The following STPG2 variants were observed in gnomAD, a reference collection of about 807,000 sequenced individuals.
STPG2 encodes the protein sperm-tail PG-rich repeat-containing protein 2.
A neutral mutation model predicts 54.2 loss-of-function variants in STPG2; 56 were observed. The ratio of observed to expected loss-of-function variants is 1.03; its 90% CI spans 0.83 to 1.29. STPG2 has a LOEUF of 1.29. Among genes scored for constraint, STPG2 ranks in the 50% most tolerant of loss-of-function variants. The probability of loss-of-function intolerance (pLI) is 0.00; values close to 1 mark genes in which losing one functional copy is unlikely to be tolerated. For missense variants in STPG2, 596 were observed against 544.9 expected (o/e 1.09, Z -0.93); for synonymous variants, 200 against 181.8 (o/e 1.10, Z -0.81).
intron 5 of STPG2, among the ~76,000 whole-genome samples, chr4:98,034,530 A>T (rs1247055852): frequency 1.3e-5 from 2 of 152,192 alleles, no homozygotes; most frequent in African/African-American, 4.8e-5. Flanking sequence ...TGCCCAAAGT[A>T]ATTCATAGAT....
chr4:97,832,857 GA>G (rs1357836735), intron 9 of STPG2, among the ~76,000 whole-genome samples: 1 of 152,028 alleles, frequency 6.6e-6, no homozygotes, highest in African/African-American at 2.4e-5. Flanking sequence ...AAGGAAATAA[GA>G]GAGGACACAA....
At chr4:97,548,459 CAGTT>C (rs1037640073) in intron 4 of STPG2, among the ~76,000 whole-genome samples, 2 of 152,114 alleles carry the variant, frequency 1.3e-5, no homozygotes, top group Non-Finnish European at 2.9e-5. Flanking sequence ...CTCCATCAGT[CAGTT>C]ATTTAGTCTG....
intron 4 of STPG2, among the ~76,000 whole-genome samples, chr4:97,445,163 T>C (rs1211276372): frequency 3.3e-5 from 5 of 152,310 alleles, no homozygotes; most frequent in Middle Eastern, 3.4e-3. Context: ...CATTTAAAAA[T>C]CTTTGCCTTG....
chr4:97,598,048 T>C (rs1733345967), intron 10 of STPG2, among the ~76,000 whole-genome samples: 1 of 151,372 alleles, frequency 6.6e-6, no homozygotes. Flanking sequence ...AATTTCAAGA[T>C]ACAAAAATAA....
At chr4:97,779,489 C>T (rs1447322766) in intron 9 of STPG2, among the ~76,000 whole-genome samples, 1 of 152,054 alleles carries the variant, frequency 6.6e-6, no homozygotes, top group Non-Finnish European at 1.5e-5. Flanking sequence ...AGAATGGAAC[C>T]AAACTGGAAA....
chr4:97,962,234 A>AGGGAAAG (rs1378180291), intron 7 of STPG2, among the ~76,000 whole-genome samples: 6 of 152,062 alleles, frequency 3.9e-5, no homozygotes, highest in Admixed American at 2.6e-4. Flanking sequence ...AAGAGGAATA[A>AGGGAAAG]AGGACTACAA....
intron 8 of STPG2, among the ~76,000 whole-genome samples, chr4:97,887,222 A>T (rs2149170994): frequency 6.6e-6 from 1 of 152,308 alleles, no homozygotes; most frequent in Middle Eastern, 3.4e-3. Flanking sequence ...CTGGGTAATG[A>T]GCAGAGGTTG....
At chr4:98,137,595 T>G (rs1740170483) in intron 1 of STPG2, among the ~76,000 whole-genome samples, 1 of 151,788 alleles carries the variant, frequency 6.6e-6, no homozygotes, top group Non-Finnish European at 1.5e-5. Flanking sequence ...TAAGGTAATC[T>G]GAGATAAATA....
intron 4 of STPG2, among the ~76,000 whole-genome samples, chr4:97,448,769 G>C (rs1729290945): frequency 6.6e-6 from 1 of 151,950 alleles, no homozygotes; most frequent in South Asian, 2.1e-4. Flanking sequence ...TGCCTCCTTG[G>C]TGTTTTTGTT....
At position 98,067,190 on chromosome 4, in the gene STPG2, G is replaced by A. The variant is rs549329549; in HGVS notation, c.612+38763C>T. Among the ~76,000 whole-genome samples, 30 of 152,230 alleles carry A rather than the reference G, an allele frequency of 2.0e-4. No individual in the cohort carries two copies. In the South Asian group the frequency reaches 5.8e-3, roughly 29 times the overall value. On this transcript the variant is annotated intron_variant, in intron 5 of 10. Coordinates refer to ENST00000295268, the MANE Select transcript of STPG2 (RefSeq NM_174952.3). ...TTTATATGAAAACACTTACACAGTG[G>A]AAAATTAAAAGTATATGTGGTTATT...
chr4:97,462,201 C>T (rs1217740443), intron 4 of STPG2, among the ~76,000 whole-genome samples: 3 of 152,014 alleles, frequency 2.0e-5, no homozygotes, highest in Non-Finnish European at 2.9e-5. Flanking sequence ...ATAAGACCAA[C>T]TTTCCATTGT....
At chr4:98,130,097 T>C (rs1739943266) in intron 2 of STPG2, among the ~76,000 whole-genome samples, 2 of 151,970 alleles carry the variant, frequency 1.3e-5, no homozygotes, top group African/African-American at 4.8e-5. Flanking sequence ...TGACGTCAGG[T>C]GATCCGCCCA....
At position 98,057,633 on chromosome 4, in the gene STPG2, T is replaced by C. The variant is rs566384443; in HGVS notation, c.612+48320A>G. Among the ~76,000 whole-genome samples, 5 of 151,974 alleles carry C rather than the reference T, an allele frequency of 3.3e-5. No individual in the cohort carries two copies. In the East Asian group the frequency reaches 9.7e-4, roughly 29 times the overall value. On this transcript the variant is annotated intron_variant, in intron 5 of 10. Transcript: ENST00000295268. ...AAGAATGGAACCAACTTGGAAAACA[T>C]AGGACATCATCCATGAAAACTTCCC...
chr4:97,684,080 A>G (rs1464205603), intron 10 of STPG2, among the ~76,000 whole-genome samples: 2 of 151,938 alleles, frequency 1.3e-5, no homozygotes, highest in Non-Finnish European at 1.5e-5. Context: ...GAGGGAAACT[A>G]TGACACATTT....
chr4:97,527,726 G>A (rs542501172), intron 4 of STPG2, among the ~76,000 whole-genome samples: 9 of 152,166 alleles, frequency 5.9e-5, no homozygotes, highest in Admixed American at 2.0e-4. Flanking sequence ...TTGTTGTTTT[G>A]ATATGCATTT....
intron 4 of STPG2, among the ~76,000 whole-genome samples, chr4:97,457,010 A>T (rs1729545149): frequency 6.6e-6 from 1 of 152,138 alleles, no homozygotes. Flanking sequence ...GATGTTCCAC[A>T]TCATATGTCA....
chr4:97,480,204 A>G (rs1223845349), intron 4 of STPG2, among the ~76,000 whole-genome samples: 2 of 151,770 alleles, frequency 1.3e-5, no homozygotes, highest in African/African-American at 4.8e-5. Flanking sequence ...AGATAGACAA[A>G]TTCCATGAAA....
chr4:97,899,871 G>C (rs1731108270), intron 8 of STPG2, among the ~76,000 whole-genome samples: 1 of 152,110 alleles, frequency 6.6e-6, no homozygotes. Flanking sequence ...AAAAACCCTT[G>C]AAGACAACCT....
intron 8 of STPG2, among the ~76,000 whole-genome samples, chr4:97,872,824 T>C (rs914286010): frequency 6.6e-6 from 1 of 151,322 alleles, no homozygotes. Flanking sequence ...ACCCCAGATA[T>C]AGTCAGTTGG....
Sources: allele counts gnomAD v4.1 joint callset (sites outside exome capture counted in the v4.1 genomes callset), GRCh38; gene constraint gnomAD v4.1.1; transcripts MANE v1.5; gene names NCBI Gene and HGNC (gene_info 2026-07-23, HGNC 2026-07-21).